The following IL1R1 variants were observed in gnomAD, a reference collection of about 807,000 sequenced individuals.
IL1R1 encodes the protein interleukin 1 receptor type 1.
In IL1R1, 22 loss-of-function variants were observed where a neutral mutation model predicts 50.2. That is an observed-to-expected ratio of 0.44 (90% CI 0.31 to 0.63). The LOEUF is 0.63. Among genes scored for constraint, IL1R1 ranks in the 20% least tolerant of loss-of-function variants. The pLI, the probability that IL1R1 is intolerant of heterozygous loss-of-function variation, is 0.07. For synonymous variants in IL1R1, 251 were observed against 236.7 expected (o/e 1.06, Z -0.55); for missense variants, 509 against 676.2 (o/e 0.75, Z 2.74).
At chr2:102,127,643 A>ATG (rs1413208376) in intron 1 of IL1R1, among the ~76,000 whole-genome samples, 33 of 141,208 alleles carry the variant, frequency 2.3e-4, no homozygotes, top group African/African-American at 8.2e-4. Context: ...TAAGACAGAG[A>ATG]TGTGTGTGTG....
chr2:102,114,992 A>G (rs1220273377), intron 1 of IL1R1, among the ~76,000 whole-genome samples: 1 of 152,144 alleles, frequency 6.6e-6, no homozygotes, highest in Non-Finnish European at 1.5e-5. Flanking sequence ...GTGACATACA[A>G]ATAGGGGAAA....
chr2:102,150,584 G>A (rs1037095481), intron 1 of IL1R1, among the ~76,000 whole-genome samples: 10 of 152,188 alleles, frequency 6.6e-5, no homozygotes, highest in African/African-American at 2.4e-4. Flanking sequence ...TACCAAATAC[G>A]TCATGATCAC....
chr2:102,144,654 G>C (rs564713152), intron 1 of IL1R1, among the ~76,000 whole-genome samples: 1 of 152,298 alleles, frequency 6.6e-6, no homozygotes, highest in East Asian at 1.9e-4. Context: ...TCCCCTTATG[G>C]ACATGAGTCT....
At chr2:102,164,198 G>A (rs982773437) in intron 3 of IL1R1, among the ~76,000 whole-genome samples, 16 of 151,962 alleles carry the variant, frequency 1.1e-4, no homozygotes, top group South Asian at 2.1e-4. Context: ...TCTGCGTGTC[G>A]TTATGCAGCT....
At chr2:102,102,537 G>A (rs59926393), upstream of IL1R1, among the ~76,000 whole-genome samples, 251 of 152,138 alleles carry the variant, frequency 1.6e-3, 11 homozygotes, top group East Asian at 0.047. Flanking sequence ...CAGTGAAAAG[G>A]GAATGCTTAT....
chr2:102,116,851 A>G (rs1371079410), intron 1 of IL1R1, among the ~76,000 whole-genome samples: 1 of 152,160 alleles, frequency 6.6e-6, no homozygotes, highest in African/African-American at 2.4e-5. Context: ...ATGACCTCGT[A>G]ACATTTTCCT....
At chr2:102,086,678 G>T (rs1679444645) in intron 1 of IL1R1, among the ~76,000 whole-genome samples, 2 of 151,874 alleles carry the variant, frequency 1.3e-5, no homozygotes, top group African/African-American at 2.4e-5. Context: ...AATCTGCTCT[G>T]GGAATCACCT....
At chr2:102,094,036 C>T (rs9973720) in intron 1 of IL1R1, among the ~76,000 whole-genome samples, 2,947 of 152,296 alleles carry the variant, frequency 0.019, 114 homozygotes, top group African/African-American at 0.067. Flanking sequence ...AACCAACCAA[C>T]CAACCACACA....
At chr2:102,137,889 CA>C (rs1327668948), upstream of IL1R1, among the ~76,000 whole-genome samples, 1 of 151,918 alleles carries the variant, frequency 6.6e-6, no homozygotes, top group African/African-American at 2.4e-5. Flanking sequence ...GGCTCCAACA[CA>C]AAAATCTAGA....
At chr2:102,080,911 A>G (rs1016743318) in intron 1 of IL1R1, among the ~76,000 whole-genome samples, 1 of 152,218 alleles carries the variant, frequency 6.6e-6, no homozygotes, top group Non-Finnish European at 1.5e-5. Context: ...ACAGTACAAC[A>G]TAGAGGAACC....
chr2:102,149,226 G>T (rs1322051121), intron 1 of IL1R1, among the ~76,000 whole-genome samples: 4 of 152,232 alleles, frequency 2.6e-5, no homozygotes, highest in Non-Finnish European at 5.9e-5. Flanking sequence ...GCACATATTG[G>T]TTAATATTTG....
intron 1 of IL1R1, among the ~76,000 whole-genome samples, chr2:102,148,385 A>G (rs978721350): frequency 3.3e-5 from 5 of 152,176 alleles, no homozygotes; most frequent in Admixed American, 2.0e-4. Context: ...TCAGAATTGC[A>G]TAGAGATTAT....
rs558472216 is a variant in IL1R1, at chr2:102,145,715, C to G, written c.-84+2695C>G. Among the ~76,000 whole-genome samples, 4 of 152,244 alleles carry G rather than the reference C, an allele frequency of 2.6e-5. No individual in the cohort carries two copies. The South Asian group carries it at 8.3e-4, about 32-fold the overall frequency. Reference sequence around the variant, plus strand: ...GCTGCTAAAGTTACTCAAGTGGGGCCGTGAATGTGGAGGGAAGCCTGAGTC... The same window carrying G: ...GCTGCTAAAGTTACTCAAGTGGGGCGGTGAATGTGGAGGGAAGCCTGAGTC... On this transcript the variant is annotated intron_variant, in intron 1 of 11. Transcript: ENST00000410023.
chr2:102,132,134 T>G (rs2104418153), intron 1 of IL1R1, among the ~76,000 whole-genome samples: 1 of 151,822 alleles, frequency 6.6e-6, no homozygotes, highest in Admixed American at 6.6e-5. Flanking sequence ...CCATTTCAGA[T>G]ATATAAAAGC....
At chr2:102,166,391 A>G (rs541626306) in intron 6 of IL1R1, 110 bp downstream of exon 6, 72 of 730,578 alleles carry the variant, frequency 9.9e-5, no homozygotes, top group African/African-American at 4.6e-4. Flanking sequence ...GACGACCTCA[A>G]TGATACCACA....
At chr2:102,112,045 A>G (rs968807150) in intron 1 of IL1R1, among the ~76,000 whole-genome samples, 1 of 152,010 alleles carries the variant, frequency 6.6e-6, no homozygotes, top group Non-Finnish European at 1.5e-5. Flanking sequence ...TGTCTCTATT[A>G]TGCATCGTCT....
Position 102,175,473 on chromosome 2 carries a change from T to C in IL1R1, c.1136-5T>C. The C allele has an allele frequency of 6.2e-7, 1 of 1,611,724 alleles. No homozygotes were observed. ...GGTTCTAAATACATTATGTTTTTCC[T>C]TTAGCTTCAGATGGAAAGACCTATG... On this transcript the variant is annotated splice_region_variant and splice_polypyrimidine_tract_variant and intron_variant, in intron 10 of 11. Coordinates refer to ENST00000410023, the MANE Select transcript of IL1R1 (RefSeq NM_000877.4).
At chr2:102,131,503 A>C (rs1682026246) in intron 1 of IL1R1, among the ~76,000 whole-genome samples, 9 of 152,242 alleles carry the variant, frequency 5.9e-5, no homozygotes, top group Admixed American at 5.9e-4. Flanking sequence ...AGAGAAACAA[A>C]AGACGTGAAA....
chr2:102,135,521 A>C (rs1264831180), intron 1 of IL1R1, among the ~76,000 whole-genome samples: 1 of 152,242 alleles, frequency 6.6e-6, no homozygotes, highest in Non-Finnish European at 1.5e-5. Context: ...CAAACTGAGA[A>C]TCTAATATAC....
Sources: allele counts gnomAD v4.1 joint callset (sites outside exome capture counted in the v4.1 genomes callset), GRCh38; gene constraint gnomAD v4.1.1; transcripts MANE v1.5; gene names NCBI Gene and HGNC (gene_info 2026-07-23, HGNC 2026-07-21).